The following CUL2 variants were observed in gnomAD, a reference collection of about 807,000 sequenced individuals.
The protein encoded by CUL2 is cullin-2.
A neutral mutation model predicts 110.2 loss-of-function variants in CUL2; 22 were observed. The ratio of observed to expected loss-of-function variants is 0.20; its 90% CI spans 0.14 to 0.28. The LOEUF is 0.28. Ranked by LOEUF, CUL2 falls within the 10% of genes least tolerant of loss-of-function variation. The pLI is 1.00. For synonymous variants in CUL2, 279 were observed against 293.2 expected, an observed-to-expected ratio of 0.95 and a Z score of 0.49; for missense variants, 631 against 905.5, an observed-to-expected ratio of 0.70 and a Z score of 3.89.
chr10:35,104,930 T>C (rs2135115899), intron 1 of CUL2, among the ~76,000 whole-genome samples: 1 of 151,928 alleles, frequency 6.6e-6, no homozygotes, highest in South Asian at 2.1e-4. Context: ...AGTTTCTCCA[T>C]GTTGGTCAGG....
chr10:35,104,059 C>A (rs992936109), intron 1 of CUL2, among the ~76,000 whole-genome samples: 3 of 152,146 alleles, frequency 2.0e-5, no homozygotes, highest in African/African-American at 7.2e-5. Context: ...AAACGTTAAA[C>A]ATAGTCCATT....
intron 9 of CUL2, among the ~76,000 whole-genome samples, chr10:35,038,247 C>G (rs1349714324): frequency 6.6e-6 from 1 of 151,184 alleles, no homozygotes; most frequent in Non-Finnish European, 1.5e-5. Context: ...TCAGAGAGGC[C>G]GGGCGCAGTG....
chr10:35,019,182 C>T (rs1387537054), intron 17 of CUL2, among the ~76,000 whole-genome samples: 1 of 152,104 alleles, frequency 6.6e-6, no homozygotes, highest in African/African-American at 2.4e-5. Context: ...GCATCAAGCA[C>T]CAAGATGATT....
intron 1 of CUL2, among the ~76,000 whole-genome samples, chr10:35,125,583 T>C (rs1169513884): frequency 6.6e-6 from 1 of 152,214 alleles, no homozygotes; most frequent in African/African-American, 2.4e-5. Context: ...TGATATGAAA[T>C]AATAAATCCT....
chr10:35,068,426 A>G (rs1277808178), intron 2 of CUL2, among the ~76,000 whole-genome samples: 1 of 151,396 alleles, frequency 6.6e-6, no homozygotes, highest in Non-Finnish European at 1.5e-5. Flanking sequence ...TATGTCTAAT[A>G]AAAAAAAAGA....
At chr10:35,114,789 A>T (rs1203026392) in intron 1 of CUL2, among the ~76,000 whole-genome samples, 1 of 150,582 alleles carries the variant, frequency 6.6e-6, no homozygotes, top group African/African-American at 2.4e-5. Context: ...TAAAGTCCCA[A>T]ATAGAACTTC....
intron 16 of CUL2, among the ~76,000 whole-genome samples, chr10:35,027,354 C>G (rs925136642): frequency 8.6e-5 from 13 of 151,948 alleles, no homozygotes. Flanking sequence ...CTGTGTTAGC[C>G]AGGATGGTCT....
intron 14 of CUL2, among the ~76,000 whole-genome samples, chr10:35,030,508 G>A (rs1252851083): frequency 6.6e-6 from 1 of 151,968 alleles, no homozygotes; most frequent in African/African-American, 2.4e-5. Context: ...TCAGCCACCT[G>A]AGTAACTGGG....
At chr10:35,015,400 A>ATAGACTATAAAAT (rs2085000896) in intron 18 of CUL2, among the ~76,000 whole-genome samples, 1 of 152,204 alleles carries the variant, frequency 6.6e-6, no homozygotes, top group South Asian at 2.1e-4. Flanking sequence ...TGCCTTTTAC[A>ATAGACTATAAAAT]GTTGTTCAGT....
chr10:35,029,412 G>T, intron 15 of CUL2, 76 bp downstream of exon 15: 1 of 1,030,538 alleles, frequency 9.7e-7, no homozygotes, highest in Non-Finnish European at 1.3e-6. Flanking sequence ...ACGTAATCAG[G>T]CATCCATTTA....
chr10:35,038,795 G>C, intron 9 of CUL2, 125 bp downstream of exon 9: 1 of 580,920 alleles, frequency 1.7e-6, no homozygotes, highest in Non-Finnish European at 2.8e-6. Flanking sequence ...TTAATAATCT[G>C]TAAAAGGTTA....
chr10:35,078,647 G>A (rs73258789), intron 1 of CUL2, among the ~76,000 whole-genome samples: 3,913 of 151,882 alleles, frequency 0.026, 165 homozygotes, highest in African/African-American at 0.09. Flanking sequence ...CTCACTTGCT[G>A]GAGCAAAAAA....
At chr10:35,035,996 A>G (rs1009167555) in intron 9 of CUL2, among the ~76,000 whole-genome samples, 2 of 152,206 alleles carry the variant, frequency 1.3e-5, no homozygotes, top group Admixed American at 6.5e-5. Flanking sequence ...TATACAAACC[A>G]TAAGTGTATA....
chr10:35,025,256 A>G, intron 16 of CUL2, 58 bp from the exon 17 acceptor site: 2 of 1,515,486 alleles, frequency 1.3e-6, no homozygotes, highest in Non-Finnish European at 1.8e-6. Context: ...TGCCTAGTTA[A>G]TTAACACAAT....
intron 1 of CUL2, among the ~76,000 whole-genome samples, chr10:35,077,803 G>A (rs1203264158): frequency 1.4e-5 from 2 of 146,298 alleles, no homozygotes; most frequent in South Asian, 2.1e-4. Context: ...GGCAACAAGA[G>A]TGAAACTCCG....
chr10:35,044,838 T>C lies in CUL2; in HGVS notation c.537A>G (p.Lys179=). The C allele has an allele frequency of 6.2e-7, 1 of 1,613,446 alleles. No individual in the cohort carries two copies. The highest frequency in any genetic ancestry group is 8.5e-7 in the Non-Finnish European group (1 of 1,179,660). ...AGGAGTTAATAACCCCATGGATTAC[T>C]TTCTGGTTTGGGTCTTCTCCACCAC... ...NDRGGEDPNQ[K]VIHGVINSFV... is the part of the protein sequence containing the mutation. Residue 179 remains lysine, a synonymous_variant, in exon 7 of 21, where the codon AAA becomes AAG. Transcript: ENST00000374749.
At chr10:35,042,273 T>C (rs1222946846) in intron 8 of CUL2, among the ~76,000 whole-genome samples, 1 of 152,176 alleles carries the variant, frequency 6.6e-6, no homozygotes, top group Non-Finnish European at 1.5e-5. Flanking sequence ...CCCTTTTGTG[T>C]CTGTCTTTTT....
chr10:35,045,934 T>A (rs971300548), intron 6 of CUL2, among the ~76,000 whole-genome samples: 2 of 152,206 alleles, frequency 1.3e-5, no homozygotes, highest in Non-Finnish European at 2.9e-5. Context: ...AAACTTATTA[T>A]CATCATTCCC....
intron 1 of CUL2, among the ~76,000 whole-genome samples, chr10:35,105,433 A>C (rs951479433): frequency 2.0e-5 from 3 of 151,110 alleles, no homozygotes; most frequent in African/African-American, 7.3e-5. Context: ...TTCAAAAAAC[A>C]AAAAACAAAA....
Sources: gnomAD v4.1 joint callset for allele counts (sites outside exome capture counted in the v4.1 genomes callset) on GRCh38, gnomAD v4.1.1 for gene constraint, MANE v1.5 for transcripts, NCBI Gene and HGNC (gene_info 2026-07-23, HGNC 2026-07-21) for gene names.